The following NHSL2 variants were observed in gnomAD, a reference collection of about 807,000 sequenced individuals.
NHSL2 encodes the protein NHS-like protein 2.
In NHSL2, 27 loss-of-function variants were observed where a neutral mutation model predicts 53.4. The ratio of observed to expected loss-of-function variants is 0.51; its 90% CI spans 0.37 to 0.70. The LOEUF (loss-of-function observed/expected upper bound fraction) is 0.70. NHSL2 is among the 30% of genes least tolerant of loss of function. The pLI, the probability that NHSL2 is intolerant of heterozygous loss-of-function variation, is 0.00. For synonymous variants in NHSL2, 408 were observed against 404.1 expected, an observed-to-expected ratio of 1.01 and a Z score of -0.12; for missense variants, 892 against 980.1, an observed-to-expected ratio of 0.91 and a Z score of 1.20.
intron 1 of NHSL2, among the ~76,000 whole-genome samples, chrX:72,002,396 G>T (rs748442336): frequency 1.3e-3 from 150 of 112,780 alleles, no homozygotes; most frequent in African/African-American, 4.6e-3. Flanking sequence ...GGACATAGTA[G>T]ATGCTTGATC....
chrX:71,915,636 C>A (rs1302205645), intron 1 of NHSL2, among the ~76,000 whole-genome samples: 3 of 112,063 alleles, frequency 2.7e-5, no homozygotes, highest in Non-Finnish European at 5.6e-5. Context: ...GTCTTTTGTA[C>A]CCCTGCTGTT....
intron 7 of NHSL2, 144 bp from the exon 8 acceptor site, chrX:72,143,109 T>A: frequency 2.2e-6 from 1 of 448,093 alleles, no homozygotes. Context: ...CTCTGAGGAT[T>A]TAGAGGTGAG....
intron 1 of NHSL2, among the ~76,000 whole-genome samples, chrX:72,065,856 A>G (rs961046157): frequency 8.9e-6 from 1 of 111,879 alleles, no homozygotes; most frequent in Non-Finnish European, 1.9e-5. Flanking sequence ...CAATGACAAG[A>G]TAAAGAAGAG....
chrX:72,062,266 G>T (rs927163242), intron 1 of NHSL2, among the ~76,000 whole-genome samples: 1 of 112,144 alleles, frequency 8.9e-6, no homozygotes, highest in African/African-American at 3.2e-5. Flanking sequence ...GTCTATTAGG[G>T]TGCAAGGAGA....
At chrX:72,133,836 T>G in intron 2 of NHSL2, 1 of 293,306 alleles carries the variant, frequency 3.4e-6, no homozygotes. Context: ...GTGGGGATCA[T>G]TGAGATAAGG....
rs1256612508 is a variant in NHSL2, at chrX:72,031,099, A to G, written c.281-100980A>G. ...GGAGCTTACATAATTTAACACTCGG[A>G]AGGAGAGGCGGACGTGTGAAGGTAT... On this transcript the variant is annotated intron_variant, in intron 1 of 7. Transcript: ENST00000633930. Among the ~76,000 whole-genome samples the G allele has an allele frequency of 4.5e-5, 5 of 112,237 alleles. No individual in the cohort carries two copies. The Admixed American group carries it at 4.7e-4, about 11-fold the overall frequency.
rs868522793 is a variant in NHSL2 at position 72,150,621 on chromosome X, C to G, written c.*7047C>G. On this transcript the variant is annotated 3_prime_UTR_variant, in exon 8 of 8. Transcript: ENST00000633930. ...CTAAGCTCCGCATGCAGTCTCTTTT[C>G]CAGAACATTCTTTGCCTAATGTTCC... 3 of 112,423 alleles carry G rather than the reference C, an allele frequency of 2.7e-5. No homozygotes were observed. Among genetic ancestry groups the G allele is most frequent in the African/African-American group, 9.7e-5 (3 of 30,961 alleles). The allele number at this position is 112,423 out of a possible 1,213,427, so 9.3% of individuals were successfully genotyped here.
chrX:71,910,988 G>A lies in NHSL2; in HGVS notation c.-100G>A. On this transcript the variant is annotated 5_prime_UTR_variant, in exon 1 of 8. Transcript: ENST00000633930. ...CGCCCAGGGGCCTGCTACACCCGGAGCTGGGGCCGCCGCTCAGGGGCGCTC... is the reference window on the plus strand; with the variant it reads ...CGCCCAGGGGCCTGCTACACCCGGAACTGGGGCCGCCGCTCAGGGGCGCTC... 1 of 684,472 alleles carries A rather than the reference G, an allele frequency of 1.5e-6. No individual in the cohort carries two copies. Among genetic ancestry groups the A allele is most frequent in the East Asian group, 4.9e-5 (1 of 20,277 alleles). 56.4% of individuals were successfully genotyped at this position (684,472 alleles called of 1,213,427 possible).
intron 1 of NHSL2, among the ~76,000 whole-genome samples, chrX:72,060,568 C>T (rs1292137571): frequency 9.8e-5 from 11 of 112,716 alleles, no homozygotes; most frequent in Non-Finnish European, 1.9e-5. Context: ...ACCTGGGATG[C>T]TGCGTGTTGT....
chrX:71,980,428 T>A lies in NHSL2; in HGVS notation c.280+69061T>A, dbSNP rs767684046. On this transcript the variant is annotated intron_variant, in intron 1 of 7. Coordinates refer to ENST00000633930, the MANE Select transcript of NHSL2 (RefSeq NM_001013627.3). The stretch of plus-strand genomic sequence containing the variant: ...GTTCTTCCATTTGTTTGTGTCCTCT[T>A]TTATTTTGTTGTTGGGCTCACATCT... 1.3e-4 allele frequency among the ~76,000 whole-genome samples: 14 copies of A among 111,368 alleles called. No homozygotes were observed. In the South Asian group the frequency reaches 5.4e-3, roughly 43 times the overall value.
chrX:72,118,498 T>G (rs1489652209), intron 1 of NHSL2, among the ~76,000 whole-genome samples: 1 of 111,784 alleles, frequency 8.9e-6, no homozygotes, highest in Non-Finnish European at 1.9e-5. Context: ...CCATCATGGC[T>G]CACCGTAGCC....
intron 1 of NHSL2, among the ~76,000 whole-genome samples, chrX:71,933,233 C>T (rs908746341): frequency 1.8e-5 from 2 of 111,908 alleles, no homozygotes; most frequent in Non-Finnish European, 3.8e-5. Context: ...GTGAGAGTCG[C>T]CCTGTCCAAA....
chrX:72,062,990 A>G (rs1386615628), intron 1 of NHSL2, among the ~76,000 whole-genome samples: 1 of 111,506 alleles, frequency 9.0e-6, no homozygotes, highest in Non-Finnish European at 1.9e-5. Context: ...ATGGGGCTCA[A>G]AATGGCCAGG....
intron 1 of NHSL2, among the ~76,000 whole-genome samples, chrX:72,023,093 A>C (rs2042168039): frequency 8.9e-6 from 1 of 112,485 alleles, no homozygotes; most frequent in South Asian, 3.6e-4. Flanking sequence ...TCATTCATTT[A>C]TTTCTTAAAG....
intron 1 of NHSL2, among the ~76,000 whole-genome samples, chrX:72,119,977 T>C (rs2042169376): frequency 8.9e-6 from 1 of 112,449 alleles, no homozygotes; most frequent in South Asian, 3.6e-4. Context: ...TTTTATCAAA[T>C]CATTTTTAGT....
chrX:72,069,167 C>G (rs935597177), intron 1 of NHSL2, among the ~76,000 whole-genome samples: 1 of 111,916 alleles, frequency 8.9e-6, no homozygotes, highest in Non-Finnish European at 1.9e-5. Context: ...ACAGAGTGAG[C>G]GAGTGAGCGA....
chrX:72,115,225 G>A (rs761646100), intron 1 of NHSL2, among the ~76,000 whole-genome samples: 2 of 110,432 alleles, frequency 1.8e-5, no homozygotes, highest in South Asian at 4.0e-4. Flanking sequence ...GTTCCTCCTC[G>A]TTAACACTGA....
At chrX:72,000,591 G>C (rs1357145642) in intron 1 of NHSL2, among the ~76,000 whole-genome samples, 2 of 111,651 alleles carry the variant, frequency 1.8e-5, no homozygotes, top group African/African-American at 6.5e-5. Context: ...AGGACTCTAC[G>C]GGACAATCCT....
chrX:72,076,812 C>T (rs2041747502), intron 1 of NHSL2, among the ~76,000 whole-genome samples: 1 of 111,692 alleles, frequency 9.0e-6, no homozygotes, highest in South Asian at 3.8e-4. Context: ...TTGATGAAAC[C>T]TTCATTTCTC....
Sources: gnomAD v4.1 joint callset for allele counts (sites outside exome capture counted in the v4.1 genomes callset) on GRCh38, gnomAD v4.1.1 for gene constraint, MANE v1.5 for transcripts, NCBI Gene and HGNC (gene_info 2026-07-23, HGNC 2026-07-21) for gene names.